MYLIP: variants seen among roughly 807,000 people sequenced by gnomAD.
The protein encoded by MYLIP is myosin regulatory light chain interacting protein, also known as E3 ubiquitin-protein ligase MYLIP.
MYLIP carries 26 observed loss-of-function variants against 45.8 expected under a neutral mutation model. The ratio of observed to expected loss-of-function variants is 0.57; its 90% CI spans 0.42 to 0.79. MYLIP has a LOEUF of 0.79. Ranked by LOEUF, MYLIP falls within the 30% of genes least tolerant of loss-of-function variation. MYLIP has a pLI of 0.00. For missense variants in MYLIP, 494 were observed against 555.6 expected, an observed-to-expected ratio of 0.89 and a Z score of 1.11; for synonymous variants, 213 against 218.1, an observed-to-expected ratio of 0.98 and a Z score of 0.21.
intron 5 of MYLIP, among the ~76,000 whole-genome samples, chr6:16,144,200 T>C (rs901431528): frequency 2.0e-5 from 3 of 152,126 alleles, no homozygotes; most frequent in African/African-American, 7.2e-5. Flanking sequence ...ATTACCCTAA[T>C]GTTAAAGATG....
the MYLIP span, among the ~76,000 whole-genome samples, chr6:16,155,453 A>G: frequency 6.6e-6 from 1 of 152,242 alleles, no homozygotes. Flanking sequence ...GTGGAAGAAG[A>G]GAAAGAACAA....
intron 2 of MYLIP, among the ~76,000 whole-genome samples, chr6:16,133,861 C>G (rs1404537903): frequency 6.6e-6 from 1 of 152,146 alleles, no homozygotes; most frequent in Admixed American, 6.5e-5. Context: ...GAAAACAACC[C>G]CATTCCAAGA....
intron 2 of MYLIP, among the ~76,000 whole-genome samples, chr6:16,135,567 T>C (rs1454474264): frequency 6.6e-6 from 1 of 152,080 alleles, no homozygotes; most frequent in African/African-American, 2.4e-5. Context: ...AAGCCCTCCA[T>C]GAAGTAGATA....
chr6:16,141,650 G>A lies in MYLIP; in HGVS notation c.304G>A (p.Glu102Lys). The change falls in exon 3 of 7, where the codon GAG becomes AAG. Residue 102 changes from glutamate (E) to lysine (K), a missense_variant. By Grantham distance (56) the Glu-to-Lys change is moderately conservative. Transcript: ENST00000356840. Reference protein sequence around the residue: ...TRHIFFLHIKEALLAGHLLCS... With the variant: ...TRHIFFLHIKKALLAGHLLCS... The stretch of plus-strand genomic sequence containing the variant: ...GCATATCTTTTTCTTGCACATCAAG[G>A]AGGCCCTCTTGGCAGGCCACCTCTT... 6.2e-7 allele frequency: 1 copy of A among 1,613,396 alleles called. No homozygotes were observed. Among genetic ancestry groups the A allele is most frequent in the South Asian group, 1.1e-5 (1 of 91,012 alleles).
the MYLIP span, among the ~76,000 whole-genome samples, chr6:16,157,177 G>A: frequency 6.6e-6 from 1 of 152,172 alleles, no homozygotes; most frequent in African/African-American, 2.4e-5. Context: ...AGATGCTTAG[G>A]GAGCGCTTTT....
chr6:16,135,683 G>A (rs955341066), intron 2 of MYLIP, among the ~76,000 whole-genome samples: 22 of 148,618 alleles, frequency 1.5e-4, no homozygotes, highest in African/African-American at 5.2e-4. Flanking sequence ...AAACAGACAG[G>A]AAAATTGGAG....
downstream of MYLIP, among the ~76,000 whole-genome samples, chr6:16,151,357 A>C (rs1050086432): frequency 1.1e-5 from 1 of 88,040 alleles, no homozygotes; most frequent in African/African-American, 4.5e-5. Flanking sequence ...ACTCCATCTC[A>C]AAAAAAAAAA....
At position 16,129,457 on chromosome 6, in the gene MYLIP, A is replaced by T; in HGVS notation, c.87+48A>T. 9 of 1,473,238 alleles carry T rather than the reference A, an allele frequency of 6.1e-6. No individual in the cohort carries two copies. The highest frequency in any genetic ancestry group is 2.4e-4 in the Middle Eastern group (1 of 4,158). 91.3% of individuals were successfully genotyped at this position (1,473,238 alleles called of 1,614,324 possible). A position where few individuals can be genotyped will look rare whatever the true frequency, so the allele number is the denominator to read the frequency against. ...GGCCCCGGCGGGTCCCGCGAGGCCG[A>T]GGGGCCTCGCAGCGACGCCTGGCAC... is the stretch of plus-strand genomic sequence containing the variant. On this transcript the variant is annotated intron_variant, in intron 1 of 6. Coordinates refer to ENST00000356840, the MANE Select transcript of MYLIP (RefSeq NM_013262.4). This position sits in a 1 kb window ranked among gnomAD's most constrained non-coding sequence, Gnocchi z 5.1.
Position 16,143,691 on chromosome 6 carries a change from T to C in MYLIP, c.663-8T>C. ...AGATCTGCTTTCTTTTCTCTTCCTGTCTCTTAGGATAGCTTATCCTGTGGT... is the reference window on the plus strand; with the variant it reads ...AGATCTGCTTTCTTTTCTCTTCCTGCCTCTTAGGATAGCTTATCCTGTGGT... On this transcript the variant is annotated splice_region_variant and splice_polypyrimidine_tract_variant and intron_variant, in intron 4 of 6. Transcript: ENST00000356840. 6.2e-7 allele frequency: 1 copy of C among 1,613,262 alleles called. No homozygotes were observed. Among genetic ancestry groups the C allele is most frequent in the Non-Finnish European group, 8.5e-7 (1 of 1,179,562 alleles).
the MYLIP span, among the ~76,000 whole-genome samples, chr6:16,155,621 G>A: frequency 6.6e-6 from 1 of 152,224 alleles, no homozygotes; most frequent in Non-Finnish European, 1.5e-5. Context: ...GAGTTAGCCG[G>A]CTGCTTCGGC....
chr6:16,159,128 G>T, the MYLIP span, among the ~76,000 whole-genome samples: 2 of 152,122 alleles, frequency 1.3e-5, no homozygotes, highest in Non-Finnish European at 2.9e-5. Context: ...CAGCTGTGCT[G>T]GTTGCACCCT....
downstream of MYLIP, among the ~76,000 whole-genome samples, chr6:16,149,449 AGATCCTT>A (rs1252992585): frequency 1.3e-5 from 2 of 152,258 alleles, no homozygotes; most frequent in African/African-American, 4.8e-5. Flanking sequence ...AGATCTGAGC[AGATCCTT>A]GACATTCTAG....
chr6:16,137,173 C>A (rs1240818157), intron 2 of MYLIP, among the ~76,000 whole-genome samples: 1 of 152,234 alleles, frequency 6.6e-6, no homozygotes, highest in African/African-American at 2.4e-5. Context: ...CGTGATCCAT[C>A]TTGAACTGAT....
the MYLIP span, among the ~76,000 whole-genome samples, chr6:16,159,246 G>A: frequency 6.6e-6 from 1 of 152,218 alleles, no homozygotes; most frequent in Non-Finnish European, 1.5e-5. Context: ...TGGAAATAAA[G>A]CATCGTGAGG....
downstream of MYLIP, among the ~76,000 whole-genome samples, chr6:16,152,417 C>T (rs1038163264): frequency 6.6e-6 from 1 of 152,184 alleles, no homozygotes; most frequent in Non-Finnish European, 1.5e-5. Flanking sequence ...TGAGCAATGT[C>T]TGGAGATGTT....
Position 16,130,570 on chromosome 6 carries a change from T to G in MYLIP, c.101T>G (p.Leu34Arg), listed in dbSNP as rs772241298. Residue 34 changes from leucine (L) to arginine (R), a missense_variant, in exon 2 of 7, where the codon CTG (leucine) becomes CGG (arginine). By Grantham distance (102) the Leu-to-Arg change is moderately radical. Coordinates refer to ENST00000356840, the MANE Select transcript of MYLIP (RefSeq NM_013262.4). ...TTTTTGTTTTAGGTGTGCAGGCGAC[T>G]GGGAATCATAGAAGTTGACTATTTT... The part of the protein sequence containing the change: ...EDCLNQVCRR[L>R]GIIEVDYFGL... 2 of 1,614,034 alleles carry G rather than the reference T, an allele frequency of 1.2e-6. No individual in the cohort carries two copies. The highest frequency in any genetic ancestry group is 2.2e-5 in the South Asian group (2 of 91,086).
chr6:16,161,223 G>A, the MYLIP span: 4 of 300,958 alleles, frequency 1.3e-5, no homozygotes, highest in East Asian at 1.9e-4. Flanking sequence ...GCTGTGTTCC[G>A]AATCATCCTT....
the MYLIP span, among the ~76,000 whole-genome samples, chr6:16,161,762 T>A: frequency 6.6e-6 from 1 of 152,236 alleles, no homozygotes; most frequent in Admixed American, 6.5e-5. Flanking sequence ...AATATTTCCT[T>A]ATATTATCCG....
chr6:16,157,033 A>G, the MYLIP span, among the ~76,000 whole-genome samples: 2 of 152,094 alleles, frequency 1.3e-5, no homozygotes, highest in African/African-American at 4.8e-5. Context: ...TAACATCCAC[A>G]TGACTTTCCA....
Sources: gnomAD v4.1 joint callset for allele counts (sites outside exome capture counted in the v4.1 genomes callset) on GRCh38, gnomAD v4.1.1 for gene constraint, Gnocchi (gnomAD v3.1) non-coding constraint, MANE v1.5 for transcripts, NCBI Gene and HGNC (gene_info 2026-07-23, HGNC 2026-07-21) for gene names.